Variants in R3HDM1 observed in about 807,000 individuals in gnomAD.
R3HDM1 encodes R3H domain containing 1.
A neutral mutation model predicts 141.1 loss-of-function variants in R3HDM1; 46 were observed. The observed-to-expected ratio is 0.33, with a 90% CI of 0.26 to 0.42. The LOEUF (loss-of-function observed/expected upper bound fraction) is 0.42, where lower values mean the gene tolerates loss of function less well. Among genes scored for constraint, R3HDM1 ranks in the 10% least tolerant of loss-of-function variants. The probability of loss-of-function intolerance (pLI) is 1.00; values close to 1 mark genes in which losing one functional copy is unlikely to be tolerated. For missense variants in R3HDM1, 1,184 were observed against 1,368.3 expected (o/e 0.87, Z 2.12); for synonymous variants, 435 against 472.9 (o/e 0.92, Z 1.04).
chr2:135,541,825 AGAG>A (rs1055918590), intron 1 of R3HDM1, among the ~76,000 whole-genome samples: 1 of 150,786 alleles, frequency 6.6e-6, no homozygotes, highest in Non-Finnish European at 1.5e-5. Flanking sequence ...GCTTGACTCA[AGAG>A]TTGCCACAAA....
chr2:135,628,915 C>T (rs577085854), intron 7 of R3HDM1, among the ~76,000 whole-genome samples: 7 of 152,176 alleles, frequency 4.6e-5, no homozygotes, highest in East Asian at 1.9e-4. Flanking sequence ...CGTGAGCCAC[C>T]GCGCCCAGCT....
In R3HDM1 at chr2:135,621,623, TG is replaced by T. The variant is rs1418497012; in HGVS notation, c.418+16del. ...GTTATCAAGAGGTTTGCAGTTCTTT[TG>T]TTTTTTTTTAAAAAAAAATTTTGCT... On this transcript the variant is annotated intron_variant, in intron 6 of 26. Transcript: ENST00000683871. The T allele has an allele frequency of 1.3e-6, 2 of 1,522,336 alleles. No homozygotes were observed. The highest frequency in any genetic ancestry group is 2.3e-5 in the East Asian group (1 of 43,750). The allele number at this position is 1,522,336 out of a possible 1,614,324, so 94.3% of individuals were successfully genotyped here.
chr2:135,666,092 G>A (rs1438363142), intron 19 of R3HDM1, among the ~76,000 whole-genome samples: 1 of 152,142 alleles, frequency 6.6e-6, no homozygotes, highest in Non-Finnish European at 1.5e-5. Context: ...ATTAAGCTTT[G>A]TTACCAGCAG....
intron 16 of R3HDM1, among the ~76,000 whole-genome samples, chr2:135,646,406 A>T (rs2064425817): frequency 6.7e-6 from 1 of 149,584 alleles, no homozygotes. Context: ...AAGTGCTGGG[A>T]TTACAGGCAT....
At chr2:135,662,415 A>G (rs1356610801) in intron 19 of R3HDM1, among the ~76,000 whole-genome samples, 5 of 152,234 alleles carry the variant, frequency 3.3e-5, no homozygotes, top group African/African-American at 7.2e-5. Context: ...ATGATTCACT[A>G]ACTTTCTGTG....
chr2:135,539,450 A>G (rs952425798), intron 1 of R3HDM1, among the ~76,000 whole-genome samples: 1 of 152,204 alleles, frequency 6.6e-6, no homozygotes, highest in Non-Finnish European at 1.5e-5. Flanking sequence ...TTATGGGACC[A>G]CTATCATTTA....
At chr2:135,657,647 A>G (rs62168792) in intron 18 of R3HDM1, among the ~76,000 whole-genome samples, 31,632 of 151,956 alleles carry the variant, frequency 0.21, 3,841 homozygotes, top group East Asian at 0.44. Context: ...TAAAATCTCC[A>G]CAGATCTCTG....
At chr2:135,701,276 A>G (rs992560633) in intron 21 of R3HDM1, among the ~76,000 whole-genome samples, 1 of 151,370 alleles carries the variant, frequency 6.6e-6, no homozygotes, top group African/African-American at 2.4e-5. Flanking sequence ...AGTGGTGCAC[A>G]CCTGTAGTCC....
intron 21 of R3HDM1, among the ~76,000 whole-genome samples, chr2:135,690,468 T>G (rs944404409): frequency 6.6e-6 from 1 of 152,202 alleles, no homozygotes; most frequent in African/African-American, 2.4e-5. Flanking sequence ...CACTTAAAAC[T>G]CTGTGAGGAT....
intron 20 of R3HDM1, among the ~76,000 whole-genome samples, chr2:135,675,974 G>A (rs2069114947): frequency 6.6e-6 from 1 of 152,150 alleles, no homozygotes; most frequent in African/African-American, 2.4e-5. Context: ...TGCTGTGACT[G>A]ATTTTTTTCC....
chr2:135,639,301 T>A, intron 14 of R3HDM1, 179 bp downstream of exon 14: 1 of 607,574 alleles, frequency 1.6e-6, no homozygotes, highest in Non-Finnish European at 2.9e-6. Flanking sequence ...GGATTCACTC[T>A]CTGTCCTGGA....
chr2:135,670,535 CTG>C (rs1177403736), intron 19 of R3HDM1: 1 of 446,914 alleles, frequency 2.2e-6, no homozygotes, highest in Non-Finnish European at 3.0e-6. Flanking sequence ...TTGAAATAGT[CTG>C]TGTCATATAA....
At chr2:135,641,492 T>C in intron 14 of R3HDM1, 44 bp from the exon 15 acceptor site, 1 of 1,544,786 alleles carries the variant, frequency 6.5e-7, no homozygotes, top group Non-Finnish European at 8.7e-7. Context: ...GTGTTTTTTA[T>C]ATGAGGTTTA....
chr2:135,696,129 T>A (rs2073201767), intron 21 of R3HDM1, among the ~76,000 whole-genome samples: 1 of 152,072 alleles, frequency 6.6e-6, no homozygotes, highest in South Asian at 2.1e-4. Context: ...GGTATATTCA[T>A]CAGTGGAATA....
At chr2:135,587,165 C>T (rs1413581086) in intron 1 of R3HDM1, among the ~76,000 whole-genome samples, 1 of 152,150 alleles carries the variant, frequency 6.6e-6, no homozygotes, top group African/African-American at 2.4e-5. Context: ...CCTAATTATA[C>T]AGTCTGAAAA....
intron 21 of R3HDM1, among the ~76,000 whole-genome samples, chr2:135,683,564 A>AC (rs1226064387): frequency 1.5e-5 from 2 of 135,006 alleles, no homozygotes; most frequent in African/African-American, 3.2e-5. Context: ...AAAAAAAAAA[A>AC]AAAAAAAATT....
In R3HDM1 at chr2:135,650,868, G is replaced by A. The variant is rs569200269; in HGVS notation, c.1726-862G>A. ...TGACTCAATTGCCACAATTTTGTAA[G>A]TCATTTTTTTCAGTGTTGACCTTTT... is the stretch of plus-strand genomic sequence containing the variant. On this transcript the variant is annotated intron_variant, in intron 17 of 26. Coordinates refer to ENST00000683871, the MANE Select transcript of R3HDM1 (RefSeq NM_001378107.1). 1.2e-5 allele frequency: 12 copies of A among 985,352 alleles called. No individual in the cohort carries two copies. In the African/African-American group the frequency reaches 2.1e-4, roughly 17 times the overall value. 61.0% of individuals were successfully genotyped at this position (985,352 alleles called of 1,614,324 possible).
chr2:135,565,622 T>C (rs1265477688), intron 1 of R3HDM1: 1 of 152,130 alleles, frequency 6.6e-6, no homozygotes, highest in East Asian at 1.9e-4. Context: ...CATCTTTTTC[T>C]TCTTTACTTG....
intron 6 of R3HDM1, 85 bp downstream of exon 6, chr2:135,621,693 A>G: frequency 7.3e-7 from 1 of 1,378,626 alleles, no homozygotes; most frequent in Non-Finnish European, 9.5e-7. Flanking sequence ...TATATATAGT[A>G]TATCTTTATG....
Sources: allele counts gnomAD v4.1 joint callset (sites outside exome capture counted in the v4.1 genomes callset), GRCh38; gene constraint gnomAD v4.1.1; transcripts MANE v1.5; gene names NCBI Gene and HGNC (gene_info 2026-07-23, HGNC 2026-07-21).